Variants in COL25A1 observed in about 807,000 individuals in gnomAD.
COL25A1 encodes collagen alpha-1(XXV) chain.
A neutral mutation model predicts 128.4 loss-of-function variants in COL25A1; 103 were observed. The ratio of observed to expected loss-of-function variants is 0.80; its 90% CI spans 0.68 to 0.94. The LOEUF (loss-of-function observed/expected upper bound fraction) is 0.94. Ranked by LOEUF, COL25A1 falls within the 40% of genes least tolerant of loss-of-function variation. The pLI, the probability that COL25A1 is intolerant of heterozygous loss-of-function variation, is 0.00. For synonymous variants in COL25A1, 279 were observed against 277.2 expected (o/e 1.01, Z -0.06); for missense variants, 745 against 840.0 (o/e 0.89, Z 1.40).
At chr4:108,871,537 C>T (rs2125813895) in intron 19 of COL25A1, among the ~76,000 whole-genome samples, 1 of 152,174 alleles carries the variant, frequency 6.6e-6, no homozygotes, top group East Asian at 1.9e-4. Flanking sequence ...AGGATGGTCT[C>T]GATCTCCTGA....
At chr4:108,916,220 C>A (rs908695068) in intron 13 of COL25A1, among the ~76,000 whole-genome samples, 2 of 152,162 alleles carry the variant, frequency 1.3e-5, no homozygotes, top group African/African-American at 4.8e-5. Context: ...TTTGCTGATA[C>A]CTTCATAAAA....
At chr4:109,208,483 T>C in intron 3 of COL25A1, among the ~76,000 whole-genome samples, 1 of 138,318 alleles carries the variant, frequency 7.2e-6, no homozygotes, top group African/African-American at 2.7e-5. Context: ...TATCAGTTAA[T>C]AAAAAAAAAA....
At chr4:109,002,085 A>T (rs1755484829) in intron 6 of COL25A1, among the ~76,000 whole-genome samples, 1 of 152,242 alleles carries the variant, frequency 6.6e-6, no homozygotes, top group Admixed American at 6.5e-5. Flanking sequence ...TGTAGAGCAA[A>T]GGGAATCCTC....
chr4:108,836,514 T>C (rs913236738), intron 31 of COL25A1, among the ~76,000 whole-genome samples: 6 of 152,040 alleles, frequency 3.9e-5, no homozygotes, highest in Admixed American at 2.0e-4. Flanking sequence ...GTGGGAAACA[T>C]GGCGAGACCC....
At chr4:109,293,179 A>T (rs1724636246) in intron 3 of COL25A1, among the ~76,000 whole-genome samples, 1 of 152,074 alleles carries the variant, frequency 6.6e-6, no homozygotes, top group Non-Finnish European at 1.5e-5. Flanking sequence ...ATTTCACTGT[A>T]GCATCTTAAA....
At chr4:108,881,147 G>C (rs1234947302) in intron 19 of COL25A1, among the ~76,000 whole-genome samples, 1 of 152,192 alleles carries the variant, frequency 6.6e-6, no homozygotes, top group African/African-American at 2.4e-5. Flanking sequence ...CTTAAGAGTA[G>C]CTCGAAATTA....
rs149986422 is a variant in COL25A1 at position 109,177,586 on chromosome 4, C to A, written c.367+122997G>T. Among the ~76,000 whole-genome samples, 95 of 152,256 alleles carry A rather than the reference C, an allele frequency of 6.2e-4. 1 individual carries two copies. Among genetic ancestry groups the A allele is most frequent in the Middle Eastern group, 3.4e-3 (1 of 294 alleles). ...CCATCTGCTATCAATACAGCCTATA[C>A]TCTTCCCAGCCAAGATGAGTTCCAG... On this transcript the variant is annotated intron_variant, in intron 3 of 37. Transcript: ENST00000399132.
chr4:109,120,890 A>T (rs1003124334), intron 3 of COL25A1, among the ~76,000 whole-genome samples: 1 of 144,958 alleles, frequency 6.9e-6, no homozygotes, highest in Non-Finnish European at 1.5e-5. Flanking sequence ...ATATAAATCT[A>T]AAAAAAATGT....
chr4:108,844,377 C>A, intron 30 of COL25A1, 142 bp downstream of exon 30: 2 of 1,419,778 alleles, frequency 1.4e-6, no homozygotes, highest in Non-Finnish European at 1.9e-6. Flanking sequence ...GTTAATATAT[C>A]TCAAAGCACC....
intron 5 of COL25A1, among the ~76,000 whole-genome samples, chr4:109,042,260 C>G (rs1402691288): frequency 6.6e-6 from 1 of 152,022 alleles, no homozygotes; most frequent in African/African-American, 2.4e-5. Context: ...CCAAACCACT[C>G]AATACAGAAG....
intron 5 of COL25A1, among the ~76,000 whole-genome samples, chr4:109,046,596 G>A (rs1045204290): frequency 1.3e-5 from 2 of 152,096 alleles, no homozygotes; most frequent in Non-Finnish European, 2.9e-5. Context: ...AAGACTCCTA[G>A]ACCTAAGGCA....
chr4:109,191,852 T>A (rs537354118), intron 3 of COL25A1, among the ~76,000 whole-genome samples: 1 of 152,180 alleles, frequency 6.6e-6, no homozygotes, highest in African/African-American at 2.4e-5. Context: ...CAAGATTCAA[T>A]CTCTATGCTA....
intron 32 of COL25A1, among the ~76,000 whole-genome samples, chr4:108,827,419 T>G (rs1270705735): frequency 6.6e-6 from 1 of 152,244 alleles, no homozygotes; most frequent in Non-Finnish European, 1.5e-5. Context: ...TGGCCAGCTG[T>G]GCAAAAGCAT....
intron 3 of COL25A1, among the ~76,000 whole-genome samples, chr4:109,109,453 G>A (rs190958280): frequency 1.7e-3 from 252 of 152,122 alleles, no homozygotes; most frequent in African/African-American, 5.9e-3. Flanking sequence ...GGTTGGTCTC[G>A]AACTCCTGGC....
At chr4:109,294,245 A>T (rs1333406981) in intron 3 of COL25A1, among the ~76,000 whole-genome samples, 1 of 152,062 alleles carries the variant, frequency 6.6e-6, no homozygotes. Flanking sequence ...GGTGCCTGCC[A>T]TCTGGTGCCA....
At position 108,907,305 on chromosome 4, in the gene COL25A1, A is replaced by G. The variant is rs137996010; in HGVS notation, c.781-6133T>C. Among the ~76,000 whole-genome samples the G allele has an allele frequency of 4.6e-5, 7 of 152,222 alleles. No individual in the cohort carries two copies. In the East Asian group the frequency reaches 1.4e-3, roughly 29 times the overall value. ...ACCTAGAGGACTAAAGGCTCCAACA[A>G]TTCATCCTGTGGGTCCAGAGCCTGG... On this transcript the variant is annotated intron_variant, in intron 13 of 37. Transcript: ENST00000399132.
At chr4:109,078,251 A>G (rs893490898) in intron 3 of COL25A1, among the ~76,000 whole-genome samples, 5 of 152,192 alleles carry the variant, frequency 3.3e-5, no homozygotes, top group African/African-American at 1.2e-4. Flanking sequence ...CTTTTTAAAT[A>G]AGAGTCAGGG....
intron 13 of COL25A1, among the ~76,000 whole-genome samples, chr4:108,903,561 G>A (rs1222254654): frequency 6.6e-6 from 1 of 151,852 alleles, no homozygotes; most frequent in African/African-American, 2.4e-5. Context: ...AAATACCTCT[G>A]TAAATATACT....
Position 108,862,724 on chromosome 4 carries a change from A to G in COL25A1, c.1153-179T>C, listed in dbSNP as rs542055002. 9.2e-5 allele frequency among the ~76,000 whole-genome samples: 14 copies of G among 152,328 alleles called. No homozygotes were observed. The South Asian group carries it at 2.7e-3, about 29-fold the overall frequency. On this transcript the variant is annotated intron_variant, in intron 21 of 37. Coordinates refer to ENST00000399132, the MANE Select transcript of COL25A1 (RefSeq NM_198721.4). The stretch of plus-strand genomic sequence containing the variant: ...TATAATACTAAACATAAGTATCATC[A>G]CCATATCATCAATTCATTCCATTAT...
Sources: allele counts gnomAD v4.1 joint callset (sites outside exome capture counted in the v4.1 genomes callset), GRCh38; gene constraint gnomAD v4.1.1; transcripts MANE v1.5; gene names NCBI Gene and HGNC (gene_info 2026-07-23, HGNC 2026-07-21).